LRRC4C: variants seen among roughly 807,000 people sequenced by gnomAD.
The protein encoded by LRRC4C is leucine rich repeat containing 4C, also known as leucine-rich repeat-containing protein 4C.
In LRRC4C, 5 loss-of-function variants were observed where a neutral mutation model predicts 33.6. The observed-to-expected ratio is 0.15, with a 90% CI of 0.08 to 0.31. LRRC4C has a LOEUF of 0.31. Ranked by LOEUF, LRRC4C falls within the 10% of genes least tolerant of loss-of-function variation. The pLI is 1.00. For missense variants in LRRC4C, 560 were observed against 796.7 expected (o/e 0.70, Z 3.58); for synonymous variants, 329 against 302.0 (o/e 1.09, Z -0.93).
intron 1 of LRRC4C, among the ~76,000 whole-genome samples, chr11:41,161,955 G>T (rs763210615): frequency 8.5e-5 from 13 of 152,118 alleles, no homozygotes; most frequent in Non-Finnish European, 1.8e-4. Flanking sequence ...GTGATTTATT[G>T]TGGAAGGGAA....
At chr11:41,324,517 A>G (rs1310745387) in intron 1 of LRRC4C, among the ~76,000 whole-genome samples, 3 of 152,218 alleles carry the variant, frequency 2.0e-5, no homozygotes, top group African/African-American at 7.2e-5. Context: ...TGGGTATTAT[A>G]GTGATAATAA....
chr11:40,934,042 G>A (rs576007405), intron 1 of LRRC4C, among the ~76,000 whole-genome samples: 1 of 152,258 alleles, frequency 6.6e-6, no homozygotes, highest in Admixed American at 6.5e-5. Context: ...GGCATATCTG[G>A]TGCTGTTTAT....
chr11:41,144,214 C>T (rs1453948933), intron 1 of LRRC4C, among the ~76,000 whole-genome samples: 2 of 152,134 alleles, frequency 1.3e-5, no homozygotes, highest in Non-Finnish European at 2.9e-5. Flanking sequence ...GTACAGCTTT[C>T]AGCTGGGAAT....
intron 1 of LRRC4C, among the ~76,000 whole-genome samples, chr11:40,987,652 TCTCA>T (rs1386665304): frequency 9.5e-5 from 8 of 84,278 alleles, no homozygotes; most frequent in African/African-American, 4.4e-4. Flanking sequence ...TATATATATA[TCTCA>T]TATATATGAG....
intron 3 of LRRC4C, among the ~76,000 whole-genome samples, chr11:40,329,601 C>A (rs1946257765): frequency 6.6e-6 from 1 of 152,066 alleles, no homozygotes; most frequent in African/African-American, 2.4e-5. Context: ...TTCAGCTCAA[C>A]ATAAAAAAAT....
chr11:40,876,898 T>A, intron 2 of LRRC4C, among the ~76,000 whole-genome samples: 1 of 79,600 alleles, frequency 1.3e-5, no homozygotes, highest in Admixed American at 1.6e-4. Flanking sequence ...CGAGGCTCTT[T>A]CTCAAAAAAA....
chr11:40,181,984 T>C (rs1264467208), intron 5 of LRRC4C, among the ~76,000 whole-genome samples: 4 of 152,192 alleles, frequency 2.6e-5, no homozygotes, highest in African/African-American at 9.7e-5. Context: ...TGAGGAAATG[T>C]AATTATCAGG....
intron 1 of LRRC4C, among the ~76,000 whole-genome samples, chr11:41,440,853 C>T (rs1023748615): frequency 2.0e-5 from 3 of 152,152 alleles, no homozygotes; most frequent in Non-Finnish European, 4.4e-5. Flanking sequence ...TTGCCTTCTA[C>T]CATAACTGTA....
intron 3 of LRRC4C, among the ~76,000 whole-genome samples, chr11:40,461,755 G>A (rs1378255034): frequency 2.0e-5 from 3 of 149,714 alleles, no homozygotes; most frequent in Non-Finnish European, 4.4e-5. Flanking sequence ...TAAAATATTT[G>A]CATGTAGTCT....
At chr11:40,581,992 A>G (rs1226454611) in intron 3 of LRRC4C, among the ~76,000 whole-genome samples, 2 of 152,192 alleles carry the variant, frequency 1.3e-5, no homozygotes, top group Admixed American at 1.3e-4. Flanking sequence ...ACAGTAAGAA[A>G]GCCAAGAAAA....
intron 5 of LRRC4C, among the ~76,000 whole-genome samples, chr11:40,237,714 C>T (rs991343101): frequency 9.2e-5 from 14 of 152,060 alleles, no homozygotes; most frequent in African/African-American, 3.4e-4. Context: ...GCTAGATAAT[C>T]GTGAAAACCC....
At chr11:40,381,719 G>C (rs991656227) in intron 3 of LRRC4C, among the ~76,000 whole-genome samples, 1 of 151,268 alleles carries the variant, frequency 6.6e-6, no homozygotes, top group African/African-American at 2.4e-5. Flanking sequence ...GCTCTCTCTT[G>C]GTGCTACCAC....
At chr11:41,157,037 C>T (rs1944263619) in intron 1 of LRRC4C, among the ~76,000 whole-genome samples, 1 of 152,006 alleles carries the variant, frequency 6.6e-6, no homozygotes, top group Non-Finnish European at 1.5e-5. Context: ...AGCATTCCTC[C>T]CCTCTGGAAC....
chr11:40,712,967 C>A (rs1340848184), intron 2 of LRRC4C, among the ~76,000 whole-genome samples: 4 of 151,660 alleles, frequency 2.6e-5, no homozygotes, highest in South Asian at 2.1e-4. Context: ...TGGTTCACTG[C>A]AACCTCAGCC....
intron 2 of LRRC4C, among the ~76,000 whole-genome samples, chr11:40,839,108 G>A (rs2135620581): frequency 6.6e-6 from 1 of 152,132 alleles, no homozygotes; most frequent in East Asian, 1.9e-4. Flanking sequence ...GTATATACAA[G>A]TGCAATACTG....
intron 5 of LRRC4C, among the ~76,000 whole-genome samples, chr11:40,200,180 T>TAAAAAA (rs56269292): frequency 4.2e-4 from 11 of 26,034 alleles, no homozygotes; most frequent in African/African-American, 1.2e-3. Context: ...CTGTCTCCAC[T>TAAAAAA]AAAAAAAAAA....
At chr11:40,624,788 C>G (rs1301792614) in intron 3 of LRRC4C, among the ~76,000 whole-genome samples, 1 of 152,108 alleles carries the variant, frequency 6.6e-6, no homozygotes, top group Non-Finnish European at 1.5e-5. Context: ...GATCTAAGAT[C>G]TAATTTGGCC....
chr11:40,586,735 C>G (rs536621972), intron 3 of LRRC4C, among the ~76,000 whole-genome samples: 1 of 151,044 alleles, frequency 6.6e-6, no homozygotes, highest in Non-Finnish European at 1.5e-5. Context: ...ATAGGGAAGC[C>G]TTTCCCCATT....
chr11:40,143,328 T>C (rs529785436), intron 5 of LRRC4C, among the ~76,000 whole-genome samples: 1 of 152,312 alleles, frequency 6.6e-6, no homozygotes, highest in African/African-American at 2.4e-5. Context: ...CAATGCTCAA[T>C]GGCTTCTCGC....
Sources: allele counts gnomAD v4.1 joint callset (sites outside exome capture counted in the v4.1 genomes callset), GRCh38; gene constraint gnomAD v4.1.1; transcripts MANE v1.5; gene names NCBI Gene and HGNC (gene_info 2026-07-23, HGNC 2026-07-21).